GRXCR1: variants seen among roughly 807,000 people sequenced by gnomAD.
GRXCR1 encodes glutaredoxin and cysteine rich domain containing 1, also known as glutaredoxin domain-containing cysteine-rich protein 1.
GRXCR1 carries 27 observed loss-of-function variants against 27.3 expected under a neutral mutation model. The observed-to-expected ratio is 0.99, with a 90% CI of 0.73 to 1.37. The LOEUF is 1.37. Ranked by LOEUF, GRXCR1 falls within the 40% of genes most tolerant of loss-of-function variation. The probability of loss-of-function intolerance (pLI) is 0.00; values close to 1 mark genes in which losing one functional copy is unlikely to be tolerated. For missense variants in GRXCR1, 379 were observed against 354.4 expected (o/e 1.07, Z -0.56); for synonymous variants, 122 against 131.1 (o/e 0.93, Z 0.47).
intron 2 of GRXCR1, among the ~76,000 whole-genome samples, chr4:43,007,014 G>T (rs1712582131): frequency 6.6e-6 from 1 of 152,196 alleles, no homozygotes; most frequent in Non-Finnish European, 1.5e-5. Context: ...CCTATTGTGT[G>T]TTGGGAAAGG....
chr4:42,983,962 G>A lies in GRXCR1; in HGVS notation c.627+20828G>A, dbSNP rs187121019. ...GCAATTCTCCTGCCTCAGCTTCCCT[G>A]GTAGCTGGGATTACAGGTGCCCACC... is the stretch of plus-strand genomic sequence containing the variant. On this transcript the variant is annotated intron_variant, in intron 2 of 3. Transcript: ENST00000399770. 2.5e-4 allele frequency among the ~76,000 whole-genome samples: 38 copies of A among 151,116 alleles called. 1 individual carries two copies. Among genetic ancestry groups the A allele is most frequent in the African/African-American group, 8.7e-4 (36 of 41,176 alleles).
intron 1 of GRXCR1, among the ~76,000 whole-genome samples, chr4:42,897,692 A>G (rs577796847): frequency 2.6e-5 from 4 of 152,216 alleles, no homozygotes; most frequent in East Asian, 3.9e-4. Context: ...AGTATACCTC[A>G]AATTTAATGA....
chr4:42,900,832 G>A (rs574692206), intron 1 of GRXCR1, among the ~76,000 whole-genome samples: 1 of 152,244 alleles, frequency 6.6e-6, no homozygotes, highest in African/African-American at 2.4e-5. Context: ...TCTAGAGCAG[G>A]GTCAGCAGGG....
Position 43,030,646 on chromosome 4 carries a change from T to A in GRXCR1, c.*106T>A. 4 of 899,762 alleles carry A rather than the reference T, an allele frequency of 4.4e-6. No homozygotes were observed. Among genetic ancestry groups the A allele is most frequent in the South Asian group, 1.5e-5 (1 of 66,846 alleles). 55.7% of individuals were successfully genotyped at this position (899,762 alleles called of 1,614,324 possible). ...ATGTTTATGGATTAATCAATAAACT[T>A]TGTTTATTATAATTGTCTTTGTGGT... On this transcript the variant is annotated 3_prime_UTR_variant, in exon 4 of 4. Coordinates refer to ENST00000399770, the MANE Select transcript of GRXCR1 (RefSeq NM_001080476.3).
At chr4:42,897,769 A>G (rs1746379148) in intron 1 of GRXCR1, among the ~76,000 whole-genome samples, 1 of 152,042 alleles carries the variant, frequency 6.6e-6, no homozygotes, top group African/African-American at 2.4e-5. Context: ...ATGAAGTAAC[A>G]ATGGCTAATT....
chr4:42,904,857 C>T (rs1746549945), intron 1 of GRXCR1, among the ~76,000 whole-genome samples: 1 of 152,096 alleles, frequency 6.6e-6, no homozygotes, highest in African/African-American at 2.4e-5. Context: ...GCTACTGTAA[C>T]ATATGGCAAG....
At chr4:42,902,591 C>T (rs989014598) in intron 1 of GRXCR1, among the ~76,000 whole-genome samples, 30 of 152,112 alleles carry the variant, frequency 2.0e-4, no homozygotes, top group African/African-American at 6.5e-4. Context: ...AATGAACATA[C>T]GTGTGCATGT....
chr4:42,985,960 A>C (rs939663710), intron 2 of GRXCR1, among the ~76,000 whole-genome samples: 2 of 152,224 alleles, frequency 1.3e-5, no homozygotes, highest in Non-Finnish European at 2.9e-5. Flanking sequence ...TTCCATAAAC[A>C]TCTAGTTATT....
intron 2 of GRXCR1, among the ~76,000 whole-genome samples, chr4:43,017,729 T>C (rs764724248): frequency 2.7e-4 from 41 of 152,148 alleles, no homozygotes; most frequent in African/African-American, 8.9e-4. Flanking sequence ...GTGGAGTGTA[T>C]GTAAAAACAA....
chr4:42,943,460 G>A (rs541645913), intron 1 of GRXCR1, among the ~76,000 whole-genome samples: 1 of 152,068 alleles, frequency 6.6e-6, no homozygotes, highest in East Asian at 1.9e-4. Context: ...ACTTGCTAAC[G>A]AATAAGATCC....
At chr4:43,018,929 C>G (rs1005792622) in intron 2 of GRXCR1, among the ~76,000 whole-genome samples, 4 of 152,142 alleles carry the variant, frequency 2.6e-5, no homozygotes, top group Non-Finnish European at 4.4e-5. Context: ...TAACTTGCCT[C>G]AGAGAGCAAT....
intron 2 of GRXCR1, among the ~76,000 whole-genome samples, chr4:42,979,679 A>C (rs1560673089): frequency 6.6e-6 from 1 of 151,904 alleles, no homozygotes; most frequent in Non-Finnish European, 1.5e-5. Context: ...AATGAGTTTG[A>C]AAGTATTTTC....
chr4:42,999,145 G>T (rs917601720), intron 2 of GRXCR1, among the ~76,000 whole-genome samples: 2 of 152,166 alleles, frequency 1.3e-5, no homozygotes, highest in Non-Finnish European at 2.9e-5. Flanking sequence ...GGGCAGGCAG[G>T]CTTGCATTCT....
At chr4:42,973,659 T>A (rs928503580) in intron 2 of GRXCR1, among the ~76,000 whole-genome samples, 1 of 152,146 alleles carries the variant, frequency 6.6e-6, no homozygotes, top group Non-Finnish European at 1.5e-5. Context: ...TATATGTGGA[T>A]CTCTATTTTG....
chr4:43,009,679 G>A (rs373156233), intron 2 of GRXCR1, among the ~76,000 whole-genome samples: 12 of 152,228 alleles, frequency 7.9e-5, no homozygotes, highest in African/African-American at 2.2e-4. Context: ...AAGGCACAAA[G>A]CAGCTCTCTG....
chr4:42,931,070 C>A (rs775337892), intron 1 of GRXCR1, among the ~76,000 whole-genome samples: 3 of 149,258 alleles, frequency 2.0e-5, no homozygotes, highest in Non-Finnish European at 3.0e-5. Flanking sequence ...TTTTTTTTTT[C>A]CCTTTTTACA....
chr4:42,910,558 T>C (rs1239518967), intron 1 of GRXCR1, among the ~76,000 whole-genome samples: 2 of 152,068 alleles, frequency 1.3e-5, no homozygotes, highest in Admixed American at 6.6e-5. Context: ...AGAAAATAAA[T>C]GATTCAGGTC....
At chr4:42,916,254 A>G (rs911368591) in intron 1 of GRXCR1, among the ~76,000 whole-genome samples, 3 of 152,140 alleles carry the variant, frequency 2.0e-5, no homozygotes, top group Non-Finnish European at 4.4e-5. Flanking sequence ...CCAGAGAGCA[A>G]TTGGTCCAGA....
intron 2 of GRXCR1, among the ~76,000 whole-genome samples, chr4:42,990,341 G>A (rs959212594): frequency 3.6e-4 from 54 of 150,318 alleles, no homozygotes; most frequent in African/African-American, 1.2e-3. Flanking sequence ...ACAGGCGCCC[G>A]CCACTACGCC....
Sources: gnomAD v4.1 joint callset for allele counts (sites outside exome capture counted in the v4.1 genomes callset) on GRCh38, gnomAD v4.1.1 for gene constraint, MANE v1.5 for transcripts, NCBI Gene and HGNC (gene_info 2026-07-23, HGNC 2026-07-21) for gene names.